The following EPHB1 variants were observed in gnomAD, a reference collection of about 807,000 sequenced individuals.
The protein encoded by EPHB1 is ephrin type-B receptor 1.
Under a neutral mutation model 94.4 loss-of-function variants are expected in EPHB1, and 30 were observed. That is an observed-to-expected ratio of 0.32 (90% CI 0.24 to 0.43). The LOEUF (loss-of-function observed/expected upper bound fraction) is 0.43, where lower values mean the gene tolerates loss of function less well. Among genes scored for constraint, EPHB1 ranks in the 20% least tolerant of loss-of-function variants. EPHB1 has a pLI of 1.00. For missense variants in EPHB1, 1,055 were observed against 1,308.3 expected (o/e 0.81, Z 2.99); for synonymous variants, 522 against 489.1 (o/e 1.07, Z -0.89).
In EPHB1 at chr3:135,162,004, T is replaced by C. The variant is rs2107698077; in HGVS notation, c.1423-14T>C. On this transcript the variant is annotated splice_polypyrimidine_tract_variant and intron_variant, in intron 6 of 15. Transcript: ENST00000398015. ...AGGAATGGGATAGTGACCCTTTCCC[T>C]TGCTTTCTTTTAGGAACACAATGAG... 2 of 1,599,450 alleles carry C rather than the reference T, an allele frequency of 1.3e-6. No individual in the cohort carries two copies. The highest frequency in any genetic ancestry group is 4.5e-5 in the East Asian group (2 of 44,570).
chr3:134,957,231 C>G (rs1026733281), intron 3 of EPHB1, among the ~76,000 whole-genome samples: 2 of 152,110 alleles, frequency 1.3e-5, no homozygotes, highest in Non-Finnish European at 2.9e-5. Flanking sequence ...GGTGATAAGT[C>G]TCGTATATGG....
chr3:135,108,459 C>T (rs1939310384), intron 4 of EPHB1, among the ~76,000 whole-genome samples: 1 of 152,146 alleles, frequency 6.6e-6, no homozygotes, highest in South Asian at 2.1e-4. Flanking sequence ...GCATTTGTTT[C>T]TTTTATTTTT....
rs375674585 is a variant in EPHB1 at position 135,122,626 on chromosome 3, CA to C, written c.962-10087del. 4.8e-3 allele frequency among the ~76,000 whole-genome samples: 737 copies of C among 152,294 alleles called. 9 individuals are homozygous for C. The highest frequency in any genetic ancestry group is 0.017 in the African/African-American group (700 of 41,570). ...CTCAGCCATCCTCTAAGGGCTTCTG[CA>C]GCCTCAAGGAAACCTAGACTCTCAG... On this transcript the variant is annotated intron_variant, in intron 4 of 15. Coordinates refer to ENST00000398015, the MANE Select transcript of EPHB1 (RefSeq NM_004441.5).
intron 3 of EPHB1, among the ~76,000 whole-genome samples, chr3:135,048,150 G>T (rs184747372): frequency 1.2e-4 from 18 of 151,228 alleles, no homozygotes; most frequent in African/African-American, 4.4e-4. Flanking sequence ...GAGGTGCTGG[G>T]AAGGAGGAGG....
intron 3 of EPHB1, among the ~76,000 whole-genome samples, chr3:135,043,113 A>G (rs1936901633): frequency 1.3e-5 from 2 of 152,136 alleles, no homozygotes; most frequent in African/African-American, 4.8e-5. Context: ...AAGAGCTGAG[A>G]TGACAGGTGT....
At chr3:134,904,755 C>A (rs1036224529) in intron 1 of EPHB1, among the ~76,000 whole-genome samples, 1 of 152,178 alleles carries the variant, frequency 6.6e-6, no homozygotes, top group Non-Finnish European at 1.5e-5. Context: ...AGACATCTGA[C>A]TGTCATTTAG....
chr3:134,840,924 A>G (rs1178562553), intron 1 of EPHB1, among the ~76,000 whole-genome samples: 4 of 152,210 alleles, frequency 2.6e-5, no homozygotes, highest in Non-Finnish European at 5.9e-5. Flanking sequence ...GGATTGGCTC[A>G]TCGCTGTTAA....
intron 3 of EPHB1, among the ~76,000 whole-genome samples, chr3:134,990,684 T>C (rs1215075712): frequency 2.6e-5 from 4 of 152,232 alleles, no homozygotes; most frequent in African/African-American, 9.6e-5. Context: ...TAATCTGTGC[T>C]CATTCTCCTG....
chr3:135,225,637 C>T (rs1305996277), intron 12 of EPHB1, among the ~76,000 whole-genome samples: 1 of 152,080 alleles, frequency 6.6e-6, no homozygotes, highest in Non-Finnish European at 1.5e-5. Flanking sequence ...TGAAGCCCCA[C>T]AGTTCTTGGC....
At chr3:135,232,472 G>T (rs1943557318) in intron 12 of EPHB1, among the ~76,000 whole-genome samples, 1 of 152,146 alleles carries the variant, frequency 6.6e-6, no homozygotes, top group African/African-American at 2.4e-5. Context: ...CAGTCAGGAG[G>T]GTCACTGCTC....
chr3:135,100,941 G>A (rs1012402953), intron 3 of EPHB1, among the ~76,000 whole-genome samples: 1 of 152,158 alleles, frequency 6.6e-6, no homozygotes, highest in African/African-American at 2.4e-5. Context: ...TGGGGAAAGA[G>A]ATGTGTGGTG....
intron 1 of EPHB1, among the ~76,000 whole-genome samples, chr3:134,905,910 C>G (rs2107691909): frequency 6.6e-6 from 1 of 152,312 alleles, no homozygotes; most frequent in South Asian, 2.1e-4. Flanking sequence ...GCTAGCTTCA[C>G]TCCTCTGCCA....
intron 12 of EPHB1, among the ~76,000 whole-genome samples, chr3:135,239,044 G>A (rs1394166302): frequency 2.0e-5 from 3 of 152,246 alleles, no homozygotes; most frequent in Non-Finnish European, 4.4e-5. Context: ...GGGATGATGA[G>A]AACAGAGAGT....
intron 9 of EPHB1, among the ~76,000 whole-genome samples, chr3:135,176,240 C>A (rs780517765): frequency 9.1e-4 from 139 of 152,290 alleles, no homozygotes; most frequent in Middle Eastern, 3.4e-3. Context: ...CCAAGGCCAC[C>A]TTCCCAGCCC....
chr3:135,107,793 T>C (rs544739888), intron 4 of EPHB1, among the ~76,000 whole-genome samples: 4 of 152,256 alleles, frequency 2.6e-5, no homozygotes, highest in South Asian at 4.2e-4. Context: ...TCAATGTGTA[T>C]AGATTTGAAC....
intron 3 of EPHB1, among the ~76,000 whole-genome samples, chr3:134,974,244 A>ACG (rs1934096755): frequency 6.6e-6 from 1 of 152,156 alleles, no homozygotes; most frequent in East Asian, 1.9e-4. Context: ...ACATGCGCAC[A>ACG]AACACACACA....
rs1559768997 is a variant in EPHB1 at position 134,951,857 on chromosome 3, G to T, written c.610G>T (p.Ala204Ser). Residue 204 changes from alanine (A) to serine (S), a missense_variant, in exon 3 of 16, where the codon GCA (alanine) becomes TCA (serine). Physicochemically the swap from Ala to Ser is moderately conservative, Grantham distance 99. Coordinates refer to ENST00000398015, the MANE Select transcript of EPHB1 (RefSeq NM_004441.5). The surrounding 1 kb of genome is among the most constrained non-coding windows in gnomAD (Gnocchi z 4.5). ...KKCPSIVQNF[A>S]VFPETMTGAE... is the part of the protein sequence containing the mutation. ...GTGTCCCAGCATTGTGCAAAATTTT[G>T]CAGTGTTTCCAGAGACTATGACAGG... 1 of 1,614,022 alleles carries T rather than the reference G, an allele frequency of 6.2e-7. No individual in the cohort carries two copies. The highest frequency in any genetic ancestry group is 8.5e-7 in the Non-Finnish European group (1 of 1,179,896).
intron 3 of EPHB1, among the ~76,000 whole-genome samples, chr3:135,056,109 A>G (rs1312993488): frequency 6.6e-6 from 1 of 152,238 alleles, no homozygotes; most frequent in Admixed American, 6.5e-5. Context: ...GCTGTCAGTT[A>G]CCAAGTTATT....
chr3:135,062,939 G>A (rs985155582), intron 3 of EPHB1, among the ~76,000 whole-genome samples: 4 of 152,248 alleles, frequency 2.6e-5, no homozygotes, highest in African/African-American at 2.4e-5. Flanking sequence ...TTGTTGAAAA[G>A]GGTGTCCTTT....
Sources: allele counts gnomAD v4.1 joint callset (sites outside exome capture counted in the v4.1 genomes callset), GRCh38; gene constraint gnomAD v4.1.1; non-coding constraint Gnocchi (gnomAD v3.1); transcripts MANE v1.5; gene names NCBI Gene and HGNC (gene_info 2026-07-23, HGNC 2026-07-21).